Variants in RPS6KA5 observed in about 807,000 individuals in gnomAD.
The protein encoded by RPS6KA5 is ribosomal protein S6 kinase alpha-5.
RPS6KA5 carries 27 observed loss-of-function variants against 85.5 expected under a neutral mutation model. That is an observed-to-expected ratio of 0.32 (90% CI 0.23 to 0.44). RPS6KA5 has a LOEUF of 0.44. Among genes scored for constraint, RPS6KA5 ranks in the 20% least tolerant of loss-of-function variants. The pLI is 1.00. For synonymous variants in RPS6KA5, 334 were observed against 348.2 expected, an observed-to-expected ratio of 0.96 and a Z score of 0.46; for missense variants, 811 against 980.9, an observed-to-expected ratio of 0.83 and a Z score of 2.31.
intron 1 of RPS6KA5, among the ~76,000 whole-genome samples, chr14:91,029,028 C>T (rs1019048249): frequency 3.3e-5 from 5 of 152,078 alleles, no homozygotes; most frequent in African/African-American, 9.7e-5. Context: ...TTGGGTCACA[C>T]TTCTGGAAGT....
At chr14:91,032,468 A>T (rs1466835254) in intron 1 of RPS6KA5, among the ~76,000 whole-genome samples, 4 of 152,204 alleles carry the variant, frequency 2.6e-5, no homozygotes, top group African/African-American at 4.8e-5. Context: ...ATGATGAAAC[A>T]GTTCCTCCCC....
At chr14:90,901,355 G>A (rs920645113) in intron 9 of RPS6KA5, among the ~76,000 whole-genome samples, 5 of 152,118 alleles carry the variant, frequency 3.3e-5, no homozygotes, top group African/African-American at 1.2e-4. Context: ...TGGGATTAAA[G>A]GCCTGAGCCA....
intron 5 of RPS6KA5, among the ~76,000 whole-genome samples, chr14:90,932,249 A>G (rs1223023714): frequency 2.0e-5 from 3 of 151,992 alleles, no homozygotes; most frequent in African/African-American, 7.2e-5. Context: ...TCAGCCTCCC[A>G]AGTAGCTAGG....
rs556858463 is a variant in RPS6KA5, at chr14:90,912,996, C to T, written c.807-6697G>A. On this transcript the variant is annotated intron_variant, in intron 7 of 16. Transcript: ENST00000614987. Reference sequence around the variant, plus strand: ...TGCAATCTTGGCTCACTGCAACCTCCGCCTCCTGAGTTCAAGTGATTCTCC... The same window carrying T: ...TGCAATCTTGGCTCACTGCAACCTCTGCCTCCTGAGTTCAAGTGATTCTCC... 2.9e-4 allele frequency among the ~76,000 whole-genome samples: 43 copies of T among 149,256 alleles called. 1 individual carries two copies. Among genetic ancestry groups the T allele is most frequent in the African/African-American group, 9.4e-4 (38 of 40,220 alleles).
At chr14:90,977,924 G>A (rs565673039) in intron 3 of RPS6KA5, among the ~76,000 whole-genome samples, 1 of 152,242 alleles carries the variant, frequency 6.6e-6, no homozygotes, top group Non-Finnish European at 1.5e-5. Flanking sequence ...GCATGGTGGT[G>A]CATGCCTGTA....
intron 3 of RPS6KA5, among the ~76,000 whole-genome samples, chr14:90,956,260 C>A (rs962072685): frequency 6.6e-6 from 1 of 152,082 alleles, no homozygotes; most frequent in Admixed American, 6.6e-5. Flanking sequence ...CATGGATTGG[C>A]CTTTTTTTAT....
At chr14:90,885,914 G>T (rs2034195951) in intron 14 of RPS6KA5, among the ~76,000 whole-genome samples, 1 of 151,840 alleles carries the variant, frequency 6.6e-6, no homozygotes, top group African/African-American at 2.4e-5. Flanking sequence ...TAATATAAAA[G>T]ATCCCTTTTC....
intron 7 of RPS6KA5, among the ~76,000 whole-genome samples, chr14:90,907,836 A>T (rs79028771): frequency 1.3e-5 from 2 of 152,200 alleles, no homozygotes; most frequent in African/African-American, 2.4e-5. Flanking sequence ...CATGTCTGAG[A>T]CAGAAACTGG....
chr14:91,058,310 G>A (rs2043407357), intron 1 of RPS6KA5, among the ~76,000 whole-genome samples: 1 of 152,174 alleles, frequency 6.6e-6, no homozygotes, highest in Admixed American at 6.5e-5. Flanking sequence ...TTTCTAAAAT[G>A]CGAACTTGAA....
intron 11 of RPS6KA5, 94 bp downstream of exon 11, chr14:90,900,014 C>A (rs1366289898): frequency 1.8e-6 from 2 of 1,084,178 alleles, no homozygotes; most frequent in East Asian, 3.0e-5. Flanking sequence ...GAAAGTCTTA[C>A]AATATAATAC....
chr14:90,870,615 T>G lies in RPS6KA5; in HGVS notation c.*1459A>C, dbSNP rs1282293953. 2.0e-5 allele frequency: 3 copies of G among 152,146 alleles called. No homozygotes were observed. The highest frequency in any genetic ancestry group is 2.0e-4 in the Admixed American group (3 of 15,294). 9.4% of individuals were successfully genotyped at this position (152,146 alleles called of 1,614,324 possible). On this transcript the variant is annotated 3_prime_UTR_variant, in exon 17 of 17. Transcript: ENST00000614987. ...GCTATAACCTCAAGAAAGGAATAAA[T>G]AAATATCATGTCCAAATTCCAAACT...
At chr14:90,988,886 T>C (rs969046996) in intron 2 of RPS6KA5, among the ~76,000 whole-genome samples, 1 of 152,210 alleles carries the variant, frequency 6.6e-6, no homozygotes, top group African/African-American at 2.4e-5. Context: ...TAAGGTAACA[T>C]ACAAATCAAC....
At chr14:90,934,801 G>A (rs925937109) in intron 5 of RPS6KA5, among the ~76,000 whole-genome samples, 1 of 152,112 alleles carries the variant, frequency 6.6e-6, no homozygotes, top group African/African-American at 2.4e-5. Flanking sequence ...TCAAAGGTCT[G>A]CTCAGATATC....
chr14:90,956,220 G>A (rs148936304), intron 3 of RPS6KA5, among the ~76,000 whole-genome samples: 5 of 151,878 alleles, frequency 3.3e-5, no homozygotes, highest in Middle Eastern at 3.4e-3. Context: ...AGATAATGAG[G>A]GATAATGATA....
intron 7 of RPS6KA5, among the ~76,000 whole-genome samples, chr14:90,913,304 G>C (rs1251281554): frequency 6.6e-6 from 1 of 152,046 alleles, no homozygotes; most frequent in East Asian, 1.9e-4. Context: ...TGCACACTCC[G>C]GCCATTGCTT....
chr14:90,863,514 A>G lies in RPS6KA5; in HGVS notation c.*8560T>C, dbSNP rs2032672059. On this transcript the variant is annotated 3_prime_UTR_variant, in exon 17 of 17. Coordinates refer to ENST00000614987, the MANE Select transcript of RPS6KA5 (RefSeq NM_004755.4). ...GGCAGAAATGAAACTGTCATTATTT[A>G]CAGACGATATAACTGTAGACTTAAA... 1 of 151,706 alleles carries G rather than the reference A, an allele frequency of 6.6e-6. No individual in the cohort carries two copies. Among genetic ancestry groups the G allele is most frequent in the Non-Finnish European group, 1.5e-5 (1 of 67,910 alleles). The allele number at this position is 151,706 out of a possible 1,614,324, so 9.4% of individuals were successfully genotyped here.
At chr14:90,942,055 C>T (rs1352950058) in intron 5 of RPS6KA5, among the ~76,000 whole-genome samples, 1 of 152,142 alleles carries the variant, frequency 6.6e-6, no homozygotes, top group Non-Finnish European at 1.5e-5. Context: ...AGGCAGAGAT[C>T]ATTTTCACTT....
intron 1 of RPS6KA5, among the ~76,000 whole-genome samples, chr14:91,044,392 GGAAAGAAAGAAA>G (rs71461930): frequency 0.038 from 2,095 of 55,136 alleles, 25 homozygotes; most frequent in Non-Finnish European, 0.046. Flanking sequence ...AAAGAAAGAA[GGAAAGAAAGAAA>G]GAAAGAAAGA....
At chr14:91,056,843 C>A (rs1312468882) in intron 1 of RPS6KA5, among the ~76,000 whole-genome samples, 1 of 125,502 alleles carries the variant, frequency 8.0e-6, no homozygotes, top group African/African-American at 3.1e-5. Flanking sequence ...TATCCCTTTA[C>A]TGTTATACTT....
Sources: allele counts gnomAD v4.1 joint callset (sites outside exome capture counted in the v4.1 genomes callset), GRCh38; gene constraint gnomAD v4.1.1; transcripts MANE v1.5; gene names NCBI Gene and HGNC (gene_info 2026-07-23, HGNC 2026-07-21).